Variants in NARS2 observed in about 807,000 individuals in gnomAD.
The protein encoded by NARS2 is asparaginyl-tRNA synthetase.
NARS2 carries 60 observed loss-of-function variants against 62.9 expected under a neutral mutation model. That is an observed-to-expected ratio of 0.95 (90% CI 0.77 to 1.18). NARS2 has a LOEUF of 1.18. Ranked by LOEUF, NARS2 falls within the 50% of genes most tolerant of loss-of-function variation. The pLI is 0.00. For synonymous variants in NARS2, 196 were observed against 200.0 expected, an observed-to-expected ratio of 0.98 and a Z score of 0.17; for missense variants, 619 against 576.4, an observed-to-expected ratio of 1.07 and a Z score of -0.76.
intron 6 of NARS2, among the ~76,000 whole-genome samples, chr11:78,496,788 G>A (rs1253575567): frequency 2.6e-5 from 4 of 152,000 alleles, no homozygotes; most frequent in Admixed American, 6.6e-5. Flanking sequence ...TAGCTTTTCT[G>A]GTCTTCAAAT....
chr11:78,573,750 A>C (rs1300878240), intron 1 of NARS2, among the ~76,000 whole-genome samples: 1 of 152,236 alleles, frequency 6.6e-6, no homozygotes, highest in Admixed American at 6.5e-5. Flanking sequence ...GACAATTATT[A>C]TCTCTTTCCA....
chr11:78,552,645 G>C (rs575777430), intron 5 of NARS2, among the ~76,000 whole-genome samples: 6 of 152,272 alleles, frequency 3.9e-5, no homozygotes, highest in African/African-American at 1.4e-4. Context: ...CAGAAACTCA[G>C]TAAGAATGCA....
At chr11:78,559,720 G>GT in intron 4 of NARS2, 101 bp from the exon 5 acceptor site, 1 of 757,924 alleles carries the variant, frequency 1.3e-6, no homozygotes, top group East Asian at 2.6e-5. Flanking sequence ...AGCAGATGCT[G>GT]TATCAAATCC....
Position 78,545,524 on chromosome 11 carries a change from CTTTTTTTTTTTTT to C in NARS2, c.594+14002_594+14014del, listed in dbSNP as rs888860047. Among the ~76,000 whole-genome samples the C allele has an allele frequency of 2.2e-5, 3 of 134,862 alleles. No individual in the cohort carries two copies. In the South Asian group the frequency reaches 7.0e-4, roughly 31 times the overall value. 88.5% of individuals were successfully genotyped at this position (134,862 alleles called of 152,430 possible). On this transcript the variant is annotated intron_variant, in intron 5 of 13. Coordinates refer to ENST00000281038, the MANE Select transcript of NARS2 (RefSeq NM_024678.6). ...TCCCATATGTCCGTCATGCTTTTTC[CTTTTTTTTTTTTT>C]TTTTTGAGACAGAGTCTTGCTCTGT...
At chr11:78,460,137 T>C (rs1858336671) in intron 11 of NARS2, among the ~76,000 whole-genome samples, 1 of 152,132 alleles carries the variant, frequency 6.6e-6, no homozygotes, top group African/African-American at 2.4e-5. Context: ...TCCCACAGTA[T>C]AACAGACTAG....
At position 78,450,629 on chromosome 11, in the gene NARS2, A is replaced by G. The variant is rs949148027; in HGVS notation, c.1165-6871T>C. On this transcript the variant is annotated intron_variant, in intron 11 of 13. Transcript: ENST00000281038. ...GTACTATTTCTTTTTCAACAAGGTC[A>G]GGTGAACCTCTGAAGAAAAGCCCAC... Among the ~76,000 whole-genome samples, 5 of 149,958 alleles carry G rather than the reference A, an allele frequency of 3.3e-5. No individual in the cohort carries two copies. In the East Asian group the frequency reaches 9.8e-4, roughly 29 times the overall value.
intron 13 of NARS2, among the ~76,000 whole-genome samples, chr11:78,440,229 AG>A (rs1480294617): frequency 4.0e-5 from 6 of 151,882 alleles, no homozygotes; most frequent in African/African-American, 1.2e-4. Flanking sequence ...ATGCCCAGCT[AG>A]TATTTGTATT....
intron 7 of NARS2, among the ~76,000 whole-genome samples, chr11:78,490,831 G>A (rs185036890): frequency 1.3e-4 from 20 of 152,264 alleles, no homozygotes; most frequent in African/African-American, 4.6e-4. Flanking sequence ...AGTTTAGATT[G>A]AAATGCTCCG....
At chr11:78,565,955 T>C (rs985420196) in intron 4 of NARS2, among the ~76,000 whole-genome samples, 177 bp downstream of exon 4, 5 of 152,188 alleles carry the variant, frequency 3.3e-5, no homozygotes, top group African/African-American at 1.2e-4. Flanking sequence ...ATTCACAATG[T>C]CTGGCACCCA....
chr11:78,518,681 C>T (rs1461929022), intron 6 of NARS2, among the ~76,000 whole-genome samples: 6 of 151,992 alleles, frequency 3.9e-5, no homozygotes, highest in African/African-American at 2.4e-5. Context: ...CCACGCCCGG[C>T]CAATTTTTTG....
At position 78,551,264 on chromosome 11, in the gene NARS2, C is replaced by T. The variant is rs1232818698; in HGVS notation, c.594+8275G>A. 5.9e-5 allele frequency among the ~76,000 whole-genome samples: 9 copies of T among 152,284 alleles called. No individual in the cohort carries two copies. In the South Asian group the frequency reaches 1.4e-3, roughly 25 times the overall value. On this transcript the variant is annotated intron_variant, in intron 5 of 13. Coordinates refer to ENST00000281038, the MANE Select transcript of NARS2 (RefSeq NM_024678.6). ...TAATTTCACTGTTGTGCGAACATCA[C>T]GGAGTCTATTTACACAGACGGGGTA...
At position 78,541,331 on chromosome 11, in the gene NARS2, C is replaced by A. The variant is rs913112146; in HGVS notation, c.595-12395G>T. ...CAATCACCTTTCCAATAAGTCATGTCACTTTTTTTTTTTTTTTGAGATAAG... is the reference window on the plus strand; with the variant it reads ...CAATCACCTTTCCAATAAGTCATGTAACTTTTTTTTTTTTTTTGAGATAAG... On this transcript the variant is annotated intron_variant, in intron 5 of 13. Coordinates refer to ENST00000281038, the MANE Select transcript of NARS2 (RefSeq NM_024678.6). Among the ~76,000 whole-genome samples the A allele has an allele frequency of 3.3e-5, 5 of 150,156 alleles. No individual in the cohort carries two copies. In the East Asian group the frequency reaches 7.8e-4, roughly 23 times the overall value.
chr11:78,519,812 T>C (rs1042100555), intron 6 of NARS2, among the ~76,000 whole-genome samples: 2 of 151,974 alleles, frequency 1.3e-5, no homozygotes, highest in East Asian at 3.9e-4. Flanking sequence ...GCGATTCTCC[T>C]GCCTCAGCTT....
intron 1 of NARS2, chr11:78,573,119 G>C (rs1026772596): frequency 2.0e-5 from 3 of 152,244 alleles, no homozygotes; most frequent in African/African-American, 7.2e-5. Context: ...TCAAAGAGGA[G>C]CAGATTGGTC....
At position 78,521,952 on chromosome 11, in the gene NARS2, T is replaced by A. The variant is rs576905992; in HGVS notation, c.689+6890A>T. Among the ~76,000 whole-genome samples the A allele has an allele frequency of 1.1e-4, 17 of 152,170 alleles. No homozygotes were observed. The South Asian group carries it at 3.5e-3, about 32-fold the overall frequency. ...CATAGTTATTAGACAAATCAGAACA[T>A]GAATGCAAAGAGGCAGCAACAATCT... On this transcript the variant is annotated intron_variant, in intron 6 of 13. Transcript: ENST00000281038.
intron 6 of NARS2, among the ~76,000 whole-genome samples, chr11:78,499,810 G>T (rs1048952255): frequency 6.6e-6 from 1 of 152,132 alleles, no homozygotes; most frequent in African/African-American, 2.4e-5. Flanking sequence ...TGGATATGGG[G>T]GCTTAGAAAA....
chr11:78,495,893 G>A (rs148834929), intron 6 of NARS2, among the ~76,000 whole-genome samples: 1 of 152,256 alleles, frequency 6.6e-6, no homozygotes, highest in African/African-American at 2.4e-5. Context: ...GAAATTGTGT[G>A]TATACTTATG....
At position 78,528,946 on chromosome 11, in the gene NARS2, A is replaced by G. The variant is rs762713954; in HGVS notation, c.595-10T>C. The stretch of plus-strand genomic sequence containing the variant: ...TAAGTTTGCCTGAAGGCTGCAAATC[A>G]AAAACATAAGCCACAAAAAACTATT... On this transcript the variant is annotated splice_polypyrimidine_tract_variant and intron_variant, in intron 5 of 13. Coordinates refer to ENST00000281038, the MANE Select transcript of NARS2 (RefSeq NM_024678.6). The G allele has an allele frequency of 1.4e-5, 22 of 1,569,516 alleles. No individual in the cohort carries two copies. Among genetic ancestry groups the G allele is most frequent in the Non-Finnish European group, 7.9e-6 (9 of 1,141,612 alleles).
chr11:78,480,635 T>A (rs1437392134), intron 7 of NARS2, among the ~76,000 whole-genome samples: 37 of 133,776 alleles, frequency 2.8e-4, no homozygotes, highest in Admixed American at 1.3e-3. Flanking sequence ...AAAAAAAAAA[T>A]TGGTGAGCAT....
Sources: allele counts gnomAD v4.1 joint callset (sites outside exome capture counted in the v4.1 genomes callset), GRCh38; gene constraint gnomAD v4.1.1; transcripts MANE v1.5; gene names NCBI Gene and HGNC (gene_info 2026-07-23, HGNC 2026-07-21).